The following CHST11 variants were observed in gnomAD, a reference collection of about 807,000 sequenced individuals.
CHST11 encodes the protein C4S-1.
CHST11 carries 9 observed loss-of-function variants against 30.4 expected under a neutral mutation model. That is an observed-to-expected ratio of 0.30 (90% CI 0.18 to 0.52). The LOEUF (loss-of-function observed/expected upper bound fraction) is 0.52, where lower values mean the gene tolerates loss of function less well. Among genes scored for constraint, CHST11 ranks in the 20% least tolerant of loss-of-function variants. CHST11 has a pLI of 0.97. For synonymous variants in CHST11, 152 were observed against 187.8 expected, an observed-to-expected ratio of 0.81 and a Z score of 1.56; for missense variants, 348 against 460.6, an observed-to-expected ratio of 0.76 and a Z score of 2.24.
chr12:104,632,575 G>A (rs536495544), intron 2 of CHST11, among the ~76,000 whole-genome samples: 70 of 152,332 alleles, frequency 4.6e-4, no homozygotes, highest in African/African-American at 1.6e-3. Flanking sequence ...AGCTGTCAGG[G>A]TTGGTCTGGG....
At chr12:104,639,421 C>A (rs1388812483) in intron 2 of CHST11, among the ~76,000 whole-genome samples, 3 of 152,172 alleles carry the variant, frequency 2.0e-5, no homozygotes, top group Non-Finnish European at 2.9e-5. Context: ...TGATACCCAA[C>A]CACATTAGTT....
At chr12:104,569,357 A>G (rs1318410127) in intron 1 of CHST11, among the ~76,000 whole-genome samples, 2 of 152,222 alleles carry the variant, frequency 1.3e-5, no homozygotes, top group African/African-American at 4.8e-5. Context: ...AATGCACACA[A>G]CAAAAACAAC....
At chr12:104,462,008 A>G (rs962178547) in intron 1 of CHST11, among the ~76,000 whole-genome samples, 11 of 152,044 alleles carry the variant, frequency 7.2e-5, no homozygotes, top group African/African-American at 2.4e-4. Flanking sequence ...TACTAAAAAT[A>G]CAAAAAAAAT....
intron 1 of CHST11, among the ~76,000 whole-genome samples, chr12:104,476,233 T>C (rs1297031854): frequency 6.7e-6 from 1 of 148,234 alleles, no homozygotes; most frequent in Non-Finnish European, 1.5e-5. Flanking sequence ...TTATATGTAA[T>C]AGCATATGTT....
intron 2 of CHST11, among the ~76,000 whole-genome samples, chr12:104,745,306 T>G (rs2040381531): frequency 6.6e-6 from 1 of 152,244 alleles, no homozygotes; most frequent in South Asian, 2.1e-4. Flanking sequence ...TCTATGTGTC[T>G]GTTTTTGTTC....
At chr12:104,579,078 G>T (rs1018671089) in intron 1 of CHST11, among the ~76,000 whole-genome samples, 5 of 152,176 alleles carry the variant, frequency 3.3e-5, no homozygotes, top group Admixed American at 2.6e-4. Flanking sequence ...TTGGTTACAT[G>T]CCCCTGTTTC....
intron 2 of CHST11, among the ~76,000 whole-genome samples, chr12:104,644,135 C>T (rs543715044): frequency 2.5e-4 from 38 of 152,286 alleles, no homozygotes; most frequent in African/African-American, 9.1e-4. Flanking sequence ...CTGCTTCCTC[C>T]TCACTGTGCT....
intron 1 of CHST11, among the ~76,000 whole-genome samples, chr12:104,555,121 A>G (rs1469381937): frequency 1.3e-5 from 2 of 152,236 alleles, no homozygotes; most frequent in Non-Finnish European, 2.9e-5. Flanking sequence ...TGTTTTGTCA[A>G]TGCCAAGCTT....
chr12:104,669,068 A>T (rs1213187834), intron 2 of CHST11, among the ~76,000 whole-genome samples: 2 of 152,184 alleles, frequency 1.3e-5, no homozygotes, highest in African/African-American at 4.8e-5. Context: ...CCAGGCACTG[A>T]GGAAGTCCCC....
Position 104,757,233 on chromosome 12 carries a change from C to A in CHST11, c.489C>A (p.Thr163=), listed in dbSNP as rs777434932. 54 of 1,613,976 alleles carry A rather than the reference C, an allele frequency of 3.3e-5. No individual in the cohort carries two copies. In the South Asian group the frequency reaches 5.4e-4, roughly 16 times the overall value. Residue 163 remains threonine, a synonymous_variant, in exon 3 of 3, where the codon ACC becomes ACA. Transcript: ENST00000303694. This position sits in a 1 kb window ranked among gnomAD's most constrained non-coding sequence, Gnocchi z 6.5. ...CACACGTCTCCGCCAACCTGAAGAC[C>A]CTGAACCAGTACAGCATCCCAGAAA... ...NEAHVSANLK[T]LNQYSIPEIN...
intron 2 of CHST11, 50 bp from the exon 3 acceptor site, chr12:104,756,899 A>G: frequency 1.9e-6 from 3 of 1,560,748 alleles, no homozygotes; most frequent in Non-Finnish European, 2.6e-6. Context: ...CCAAGTGGAA[A>G]TGTTTCAGGC....
At chr12:104,619,613 A>G (rs565954922) in intron 2 of CHST11, among the ~76,000 whole-genome samples, 15 of 152,258 alleles carry the variant, frequency 9.9e-5, no homozygotes, top group African/African-American at 3.1e-4. Flanking sequence ...CTAATTAACA[A>G]GAAGCCCTAA....
At chr12:104,576,311 G>A (rs1329635611) in intron 1 of CHST11, among the ~76,000 whole-genome samples, 1 of 152,160 alleles carries the variant, frequency 6.6e-6, no homozygotes, top group Non-Finnish European at 1.5e-5. Context: ...AACAGGGGCT[G>A]GAATCCCTGA....
At position 104,653,503 on chromosome 12, in the gene CHST11, A is replaced by G. The variant is rs1052386196; in HGVS notation, c.204+51512A>G. 1.4e-4 allele frequency among the ~76,000 whole-genome samples: 22 copies of G among 152,290 alleles called. 1 individual carries two copies. Among genetic ancestry groups the G allele is most frequent in the Admixed American group, 9.1e-4 (14 of 15,306 alleles). ...TATCTTAGTGCTAAAATGTGTACTC[A>G]TGGAGGGGCAGTATGAGTGAATCCG... On this transcript the variant is annotated intron_variant, in intron 2 of 2. Coordinates refer to ENST00000303694, the MANE Select transcript of CHST11 (RefSeq NM_018413.6).
In CHST11 at chr12:104,472,390, TACACAC is replaced by T. The variant is rs111810878; in HGVS notation, c.118+14878_118+14883del. 2.2e-3 allele frequency among the ~76,000 whole-genome samples: 333 copies of T among 149,858 alleles called. 2 individuals are homozygous for T. Among genetic ancestry groups the T allele is most frequent in the African/African-American group, 7.7e-3 (314 of 41,000 alleles). On this transcript the variant is annotated intron_variant, in intron 1 of 2. Transcript: ENST00000303694. ...ACAAGATATTGGCTGCAAAGTTTTA[TACACAC>T]ACACACACACACACACCCCTCTAAA...
intron 1 of CHST11, among the ~76,000 whole-genome samples, chr12:104,460,615 G>C (rs1459767502): frequency 6.8e-6 from 1 of 147,202 alleles, no homozygotes; most frequent in Non-Finnish European, 1.5e-5. Flanking sequence ...TGTGAGCTAA[G>C]ATGGCACCAC....
chr12:104,582,173 CTCT>C (rs2136032345), intron 1 of CHST11, among the ~76,000 whole-genome samples: 1 of 152,286 alleles, frequency 6.6e-6, no homozygotes, highest in East Asian at 1.9e-4. Context: ...TCATGTCCTC[CTCT>C]TAATAACTTT....
chr12:104,495,461 C>A (rs774327653), intron 1 of CHST11, among the ~76,000 whole-genome samples: 9 of 152,100 alleles, frequency 5.9e-5, no homozygotes, highest in Non-Finnish European at 1.3e-4. Flanking sequence ...TTCCAGTTTC[C>A]CCACATCCTT....
chr12:104,562,303 A>T (rs1434045252), intron 1 of CHST11, among the ~76,000 whole-genome samples: 1 of 152,106 alleles, frequency 6.6e-6, no homozygotes, highest in Non-Finnish European at 1.5e-5. Context: ...AGGTGGACAG[A>T]TATGATTTGG....
Sources: gnomAD v4.1 joint callset for allele counts (sites outside exome capture counted in the v4.1 genomes callset) on GRCh38, gnomAD v4.1.1 for gene constraint, Gnocchi (gnomAD v3.1) non-coding constraint, MANE v1.5 for transcripts, NCBI Gene and HGNC (gene_info 2026-07-23, HGNC 2026-07-21) for gene names.